The following SDCCAG8 variants were observed in gnomAD, a reference collection of about 807,000 sequenced individuals.
SDCCAG8 encodes the protein SHH signaling and ciliogenesis regulator SDCCAG8, also known as serologically defined colon cancer antigen 8.
A neutral mutation model predicts 101.8 loss-of-function variants in SDCCAG8; 74 were observed. That is an observed-to-expected ratio of 0.73 (90% confidence interval 0.60 to 0.88). SDCCAG8 has a LOEUF of 0.88. Ranked by LOEUF, SDCCAG8 falls within the 40% of genes least tolerant of loss-of-function variation. The pLI is 0.00. For synonymous variants in SDCCAG8, 281 were observed against 292.9 expected (o/e 0.96, Z 0.41); for missense variants, 787 against 822.6 (o/e 0.96, Z 0.53).
intron 16 of SDCCAG8, among the ~76,000 whole-genome samples, chr1:243,435,740 G>T (rs929186984): frequency 2.0e-5 from 3 of 150,606 alleles, no homozygotes; most frequent in Admixed American, 1.3e-4. Context: ...ACATGTGAAT[G>T]TGTGTGTGTG....
intron 4 of SDCCAG8, among the ~76,000 whole-genome samples, chr1:243,278,938 A>G (rs1022811785): frequency 6.6e-6 from 1 of 152,018 alleles, no homozygotes; most frequent in African/African-American, 2.4e-5. Flanking sequence ...GCACACCACC[A>G]TGCTTGGCTA....
intron 8 of SDCCAG8, among the ~76,000 whole-genome samples, chr1:243,312,576 C>T (rs1020396048): frequency 6.6e-6 from 1 of 152,062 alleles, no homozygotes; most frequent in Non-Finnish European, 1.5e-5. Context: ...TGTGTTGGTG[C>T]ACGCCTGTAA....
intron 12 of SDCCAG8, among the ~76,000 whole-genome samples, chr1:243,357,702 C>T (rs2076468850): frequency 6.6e-6 from 1 of 152,198 alleles, no homozygotes; most frequent in Non-Finnish European, 1.5e-5. Context: ...CTCTTAACAA[C>T]TCTTATAGTT....
At chr1:243,366,457 A>G (rs2076995222) in intron 12 of SDCCAG8, among the ~76,000 whole-genome samples, 1 of 151,974 alleles carries the variant, frequency 6.6e-6, no homozygotes, top group South Asian at 2.1e-4. Context: ...CAATTACTCT[A>G]TTGAGTAATT....
intron 1 of SDCCAG8, among the ~76,000 whole-genome samples, chr1:243,256,650 C>G (rs1178508919): frequency 6.6e-6 from 1 of 152,174 alleles, no homozygotes; most frequent in Non-Finnish European, 1.5e-5. Flanking sequence ...GGGGGAAACA[C>G]TAATAATTAT....
intron 10 of SDCCAG8, 37 bp downstream of exon 10, chr1:243,330,729 G>T (rs776484816): frequency 3.7e-6 from 6 of 1,611,568 alleles, no homozygotes; most frequent in Non-Finnish European, 5.1e-6. Context: ...CATTGCAGAA[G>T]AAAGGTTTTT....
intron 13 of SDCCAG8, among the ~76,000 whole-genome samples, chr1:243,382,855 A>G (rs1364541574): frequency 6.6e-6 from 1 of 152,204 alleles, no homozygotes; most frequent in African/African-American, 2.4e-5. Flanking sequence ...AGTCATGAAT[A>G]AGAGAGGACA....
intron 4 of SDCCAG8, among the ~76,000 whole-genome samples, chr1:243,280,905 A>G (rs2068973881): frequency 6.6e-6 from 1 of 152,208 alleles, no homozygotes; most frequent in Admixed American, 6.5e-5. Flanking sequence ...TAGTCTATAA[A>G]TGTCAGTTAG....
intron 8 of SDCCAG8, among the ~76,000 whole-genome samples, chr1:243,310,585 A>G (rs1377055161): frequency 6.6e-6 from 1 of 152,184 alleles, no homozygotes; most frequent in Non-Finnish European, 1.5e-5. Context: ...ATTGTGGGTT[A>G]TAGTCCTAAG....
intron 16 of SDCCAG8, among the ~76,000 whole-genome samples, chr1:243,482,082 A>C (rs1663865468): frequency 6.6e-6 from 1 of 152,206 alleles, no homozygotes; most frequent in South Asian, 2.1e-4. Flanking sequence ...AAAAAATTTA[A>C]ATCTATGTAT....
At chr1:243,293,375 A>G (rs1334342932) in intron 6 of SDCCAG8, 156 bp downstream of exon 6, 2 of 803,230 alleles carry the variant, frequency 2.5e-6, no homozygotes. Flanking sequence ...ATGTCACTCA[A>G]TCATAAACAT....
intron 1 of SDCCAG8, chr1:243,267,971 T>TG: frequency 1.3e-6 from 1 of 782,310 alleles, no homozygotes; most frequent in Non-Finnish European, 2.4e-6. Context: ...GGAAAGGTGT[T>TG]GCGGAACTTC....
chr1:243,311,227 A>G (rs1362103669), intron 8 of SDCCAG8, among the ~76,000 whole-genome samples: 1 of 152,208 alleles, frequency 6.6e-6, no homozygotes, highest in Non-Finnish European at 1.5e-5. Context: ...TGTGCATAGT[A>G]TGAAAAACGG....
At chr1:243,442,490 C>G (rs1033136254) in intron 16 of SDCCAG8, among the ~76,000 whole-genome samples, 1 of 152,054 alleles carries the variant, frequency 6.6e-6, no homozygotes, top group Non-Finnish European at 1.5e-5. Flanking sequence ...GACAAGGAAG[C>G]GTCCCATTCA....
chr1:243,258,334 A>C (rs919865813), intron 1 of SDCCAG8, among the ~76,000 whole-genome samples: 2 of 152,346 alleles, frequency 1.3e-5, no homozygotes, highest in African/African-American at 2.4e-5. Context: ...GGAAGGAAAC[A>C]AAACAGAATT....
Position 243,452,415 on chromosome 1 carries a change from T to TC in SDCCAG8, c.1985+25857_1985+25858insC, listed in dbSNP as rs1491092044. On this transcript the variant is annotated intron_variant, in intron 16 of 17. Coordinates refer to ENST00000366541, the MANE Select transcript of SDCCAG8 (RefSeq NM_006642.5). The stretch of plus-strand genomic sequence containing the variant: ...CCTACCCTTGAGATGATCTCATCTC[T>TC]TTTTTTTTTTTTTTTTTTTTTTTTT... 6.6e-3 allele frequency among the ~76,000 whole-genome samples: 485 copies of TC among 73,834 alleles called. 10 individuals carry two copies. Among genetic ancestry groups the TC allele is most frequent in the African/African-American group, 0.019 (303 of 15,882 alleles). 48.4% of individuals were successfully genotyped at this position (73,834 alleles called of 152,430 possible).
chr1:243,384,231 C>T (rs2078133575), intron 13 of SDCCAG8, among the ~76,000 whole-genome samples: 1 of 152,182 alleles, frequency 6.6e-6, no homozygotes, highest in Non-Finnish European at 1.5e-5. Flanking sequence ...CTCAGAGCCC[C>T]TGGCTCATCA....
At chr1:243,341,716 A>G (rs754241750) in intron 11 of SDCCAG8, among the ~76,000 whole-genome samples, 3 of 152,150 alleles carry the variant, frequency 2.0e-5, no homozygotes, top group Admixed American at 1.3e-4. Context: ...AAAATACTAC[A>G]TTGTCTGTGC....
intron 13 of SDCCAG8, among the ~76,000 whole-genome samples, chr1:243,409,837 A>T (rs1273296556): frequency 1.3e-5 from 2 of 152,206 alleles, no homozygotes; most frequent in Admixed American, 1.3e-4. Context: ...ATACAATGTT[A>T]ACTAAAAAAT....
Sources: allele counts gnomAD v4.1 joint callset (sites outside exome capture counted in the v4.1 genomes callset), GRCh38; gene constraint gnomAD v4.1.1; transcripts MANE v1.5; gene names NCBI Gene and HGNC (gene_info 2026-07-23, HGNC 2026-07-21).